Variants in COL12A1 observed in about 807,000 individuals in gnomAD.
COL12A1 encodes collagen type XII alpha 1 chain.
COL12A1 carries 114 observed loss-of-function variants against 349.7 expected under a neutral mutation model. The observed-to-expected ratio is 0.33, with a 90% CI of 0.28 to 0.38. COL12A1 has a LOEUF of 0.38. Among genes scored for constraint, COL12A1 ranks in the 10% least tolerant of loss-of-function variants. COL12A1 has a pLI of 1.00. For missense variants in COL12A1, 3,284 were observed against 3,756.9 expected, an observed-to-expected ratio of 0.87 and a Z score of 3.29; for synonymous variants, 1,369 against 1,329.0, an observed-to-expected ratio of 1.03 and a Z score of -0.66.
At position 75,102,664 on chromosome 6, in the gene COL12A1, C is replaced by A; in HGVS notation, c.8348G>T (p.Gly2783Val). The change falls in exon 56 of 66, where the codon GGT becomes GTT. Residue 2783 changes from glycine to valine, a missense_variant. By Grantham distance (109) the Gly-to-Val change is moderately radical (BLOSUM62 -3). Coordinates refer to ENST00000322507, the MANE Select transcript of COL12A1 (RefSeq NM_004370.6). The part of the protein sequence containing the change: ...IGPPGPRGDI[G>V]PPGPQGPPGP... The stretch of plus-strand genomic sequence containing the variant: ...TGGAGGACCCTGGGGGCCTGGAGGA[C>A]CTATGTCTCCACGAGGACCAGGGGG... The A allele has an allele frequency of 6.4e-7, 1 of 1,569,056 alleles. No homozygotes were observed. The highest frequency in any genetic ancestry group is 8.6e-7 in the Non-Finnish European group (1 of 1,159,138).
intron 46 of COL12A1, among the ~76,000 whole-genome samples, chr6:75,118,568 A>C (rs1769198209): frequency 6.6e-6 from 1 of 152,212 alleles, no homozygotes; most frequent in Admixed American, 6.5e-5. Context: ...AGTATATTTG[A>C]TTGGCAAGAT....
intron 50 of COL12A1, 100 bp downstream of exon 50, chr6:75,113,502 T>G: frequency 1.8e-6 from 2 of 1,122,576 alleles, no homozygotes; most frequent in Non-Finnish European, 2.4e-6. Context: ...ATATATCAAA[T>G]AAATATATAT....
chr6:75,164,849 A>T (rs189270628), intron 14 of COL12A1, among the ~76,000 whole-genome samples: 6 of 152,274 alleles, frequency 3.9e-5, no homozygotes, highest in East Asian at 3.9e-4. Flanking sequence ...ACAAAAAAAA[A>T]ATATCAGTAA....
Position 75,204,081 on chromosome 6 carries a change from G to T in COL12A1, c.-35-1254C>A, listed in dbSNP as rs1003582581. 2.6e-5 allele frequency among the ~76,000 whole-genome samples: 4 copies of T among 152,178 alleles called. No homozygotes were observed. The South Asian group carries it at 8.3e-4, about 32-fold the overall frequency. On this transcript the variant is annotated intron_variant, in intron 1 of 65. Transcript: ENST00000322507. ...GTCTGATGAGCAGGCGTGCCAAATT[G>T]CCTGGAGCTCCTTTTTATGAAGCCA...
Position 75,128,364 on chromosome 6 carries a change from T to G in COL12A1, c.6272A>C (p.Tyr2091Ser), listed in dbSNP as rs1395925200. Residue 2091 changes from tyrosine (Y) to serine (S), a missense_variant, in exon 38 of 66, where the codon TAT becomes TCT. By Grantham distance (144) the Tyr-to-Ser change is moderately radical. This residue lies in a region of COL12A1 where 2,601 missense variants were observed against 2,824.8 expected (regional missense o/e 0.92). Transcript: ENST00000322507. ...ATAAACAGCAATAACAGTAATTTTA[T>G]ATGGAGTGTCAGGTTGCAGGGGCTG... ...ILQPLQPDTP[Y>S]KITVIAVYED... The G allele has an allele frequency of 1.2e-6, 2 of 1,611,072 alleles. No homozygotes were observed. Among genetic ancestry groups the G allele is most frequent in the Admixed American group, 3.4e-5 (2 of 59,644 alleles).
intron 60 of COL12A1, among the ~76,000 whole-genome samples, chr6:75,093,954 ATATACT>A (rs1322938448): frequency 5.3e-5 from 8 of 152,224 alleles, no homozygotes; most frequent in African/African-American, 1.9e-4. Flanking sequence ...GAAAAGTTTC[ATATACT>A]TATAATTGCA....
In COL12A1 at chr6:75,105,398, G is replaced by T. The variant is rs1768501721; in HGVS notation, c.8179-106C>A. 4.0e-6 allele frequency: 3 copies of T among 742,980 alleles called. No individual in the cohort carries two copies. In the East Asian group the frequency reaches 8.1e-5, roughly 20 times the overall value. 46.0% of individuals were successfully genotyped at this position (742,980 alleles called of 1,614,324 possible). A position where few individuals can be genotyped will look rare whatever the true frequency, so the allele number is the denominator to read the frequency against. On this transcript the variant is annotated intron_variant, in intron 53 of 65. Transcript: ENST00000322507. ...AAGGAAGTCTGTTTCCCAACTTAAA[G>T]AAATAATTTTAATTATCATTATGAA...
At chr6:75,108,772 T>C (rs530273773) in intron 52 of COL12A1, among the ~76,000 whole-genome samples, 1 of 152,336 alleles carries the variant, frequency 6.6e-6, no homozygotes, top group East Asian at 1.9e-4. Context: ...TCAAAATGAC[T>C]ACATGGTGTT....
At chr6:75,136,080 C>T (rs1011701694) in intron 31 of COL12A1, among the ~76,000 whole-genome samples, 1 of 152,098 alleles carries the variant, frequency 6.6e-6, no homozygotes, top group South Asian at 2.1e-4. Context: ...TTTATGATAG[C>T]AAACAGCTGA....
chr6:75,195,638 T>A (rs995310053), intron 2 of COL12A1, among the ~76,000 whole-genome samples: 1 of 152,182 alleles, frequency 6.6e-6, no homozygotes, highest in Non-Finnish European at 1.5e-5. Flanking sequence ...AATTTATAAA[T>A]ATATAAATAG....
At chr6:75,089,771 C>T (rs1410943514) in intron 63 of COL12A1, among the ~76,000 whole-genome samples, 1 of 152,160 alleles carries the variant, frequency 6.6e-6, no homozygotes, top group Non-Finnish European at 1.5e-5. Context: ...CTAGGGCTGC[C>T]TAAGAACATT....
intron 11 of COL12A1, among the ~76,000 whole-genome samples, chr6:75,178,885 G>T (rs1052520881): frequency 2.0e-5 from 3 of 152,200 alleles, no homozygotes; most frequent in Admixed American, 2.0e-4. Context: ...GAAAGAAATG[G>T]TAGTTGGCCA....
intron 35 of COL12A1, 143 bp from the exon 36 acceptor site, chr6:75,131,124 C>A (rs529704727): frequency 9.2e-7 from 1 of 1,086,902 alleles, no homozygotes; most frequent in African/African-American, 1.6e-5. Context: ...ATAAGATCCA[C>A]CCAGACCATA....
At chr6:75,140,550 G>A (rs1342832142) in intron 27 of COL12A1, among the ~76,000 whole-genome samples, 2 of 151,644 alleles carry the variant, frequency 1.3e-5, no homozygotes, top group Admixed American at 6.6e-5. Flanking sequence ...CAGCTACTCC[G>A]GAGGCTGAGG....
chr6:75,094,497 A>C (rs1767915952), intron 60 of COL12A1, among the ~76,000 whole-genome samples: 1 of 152,240 alleles, frequency 6.6e-6, no homozygotes, highest in Admixed American at 6.5e-5. Flanking sequence ...GGAGATACTA[A>C]TTTGGAAATA....
intron 63 of COL12A1, among the ~76,000 whole-genome samples, chr6:75,089,478 T>G (rs750407370): frequency 1.3e-5 from 2 of 152,192 alleles, no homozygotes; most frequent in Non-Finnish European, 2.9e-5. Context: ...TTATAATATC[T>G]CATTGAAAAA....
chr6:75,192,356 C>T lies in COL12A1; in HGVS notation c.191-1G>A. The T allele has an allele frequency of 6.2e-7, 1 of 1,609,800 alleles. No individual in the cohort carries two copies. The stretch of plus-strand genomic sequence containing the variant: ...AGGGTAAATTCTTTAGTAGGCCCAT[C>T]TGGAAATATAAAAAGGAAAAATATG... On this transcript the variant is annotated splice_acceptor_variant, in intron 3 of 65. Coordinates refer to ENST00000322507, the MANE Select transcript of COL12A1 (RefSeq NM_004370.6). LOFTEE classifies it high-confidence loss of function.
chr6:75,180,458 A>G (rs1208079395), intron 11 of COL12A1, among the ~76,000 whole-genome samples: 3 of 152,188 alleles, frequency 2.0e-5, no homozygotes, highest in Non-Finnish European at 4.4e-5. Flanking sequence ...AATGTACTTA[A>G]TGCCACTAAA....
At position 75,138,885 on chromosome 6, in the gene COL12A1, T is replaced by G. The variant is rs757968333; in HGVS notation, c.5034A>C (p.Gly1678=). The change falls in exon 28 of 66, where the codon GGA becomes GGC. Residue 1678 remains glycine, a synonymous_variant. Coordinates refer to ENST00000322507, the MANE Select transcript of COL12A1 (RefSeq NM_004370.6). Reference sequence around the variant, plus strand: ...TTCTGTAGAGAGACACATCTGAAGCTCCATGATCCCAAGTCCCTCTGAAAC... The same window carrying G: ...TTCTGTAGAGAGACACATCTGAAGCGCCATGATCCCAAGTCCCTCTGAAAC... ...SEGFRGTWDH[G]ASDVSLYRIT... The G allele has an allele frequency of 6.2e-6, 10 of 1,613,964 alleles. No homozygotes were observed. The highest frequency in any genetic ancestry group is 3.3e-5 in the Admixed American group (2 of 60,000).
Sources: gnomAD v4.1 joint callset for allele counts (sites outside exome capture counted in the v4.1 genomes callset) on GRCh38, gnomAD v4.1.1 for gene constraint, gnomAD v4.1.1 regional missense constraint, MANE v1.5 for transcripts, NCBI Gene and HGNC (gene_info 2026-07-23, HGNC 2026-07-21) for gene names.